ZSCAN30: variants seen among roughly 807,000 people sequenced by gnomAD.
ZSCAN30 encodes zinc finger and SCAN domain-containing protein 30.
A neutral mutation model predicts 44.3 loss-of-function variants in ZSCAN30; 37 were observed. The ratio of observed to expected loss-of-function variants is 0.84; its 90% CI spans 0.64 to 1.10. The LOEUF is 1.10. ZSCAN30 is among the 50% of genes least tolerant of loss of function. ZSCAN30 has a pLI of 0.00. For synonymous variants in ZSCAN30, 181 were observed against 204.6 expected (o/e 0.88, Z 0.98); for missense variants, 549 against 582.6 (o/e 0.94, Z 0.59).
At chr18:35,286,339 C>A (rs8090614) in intron 1 of ZSCAN30, among the ~76,000 whole-genome samples, 1 of 152,120 alleles carries the variant, frequency 6.6e-6, no homozygotes, top group African/African-American at 2.4e-5. Context: ...TTGAGGCCCA[C>A]GTTACCTTGA....
intron 1 of ZSCAN30, among the ~76,000 whole-genome samples, chr18:35,279,314 T>C (rs1321755650): frequency 6.6e-6 from 1 of 152,186 alleles, no homozygotes; most frequent in Admixed American, 6.5e-5. Flanking sequence ...TAGCTTCAGG[T>C]TGCTGGCAAT....
chr18:35,285,449 C>T (rs572346733), intron 1 of ZSCAN30, among the ~76,000 whole-genome samples: 1 of 152,206 alleles, frequency 6.6e-6, no homozygotes, highest in Non-Finnish European at 1.5e-5. Flanking sequence ...ATTAATATAT[C>T]CTTCTCAAAT....
Position 35,263,512 on chromosome 18 carries a change from C to A in ZSCAN30, c.553+1G>T. 1 of 1,614,160 alleles carries A rather than the reference C, an allele frequency of 6.2e-7. No homozygotes were observed. Among genetic ancestry groups the A allele is most frequent in the Non-Finnish European group, 8.5e-7 (1 of 1,180,022 alleles). ...ACCCCACATGGACTGGGGCTTCTCA[C>A]CTCTCTCCTGGAAAGCCTGGGACTC... On this transcript the variant is annotated splice_donor_variant, in intron 3 of 3. Coordinates refer to ENST00000333206, the MANE Select transcript of ZSCAN30 (RefSeq NM_001112734.4). LOFTEE classifies it high-confidence loss of function.
chr18:35,264,226 T>C lies in ZSCAN30; in HGVS notation c.127A>G (p.Ser43Gly), dbSNP rs752259030. ...AACTTCTGCCGGAATACCTCTTGGC[T>C]CCAGGGGTTTTCCTGAAGGCCAAAG... ...QDFGLQENPW[S>G]QEVFRQKFRQ... Residue 43 changes from serine to glycine, a missense_variant, in exon 2 of 4, where the codon AGC (serine) becomes GGC (glycine). Ser to Gly is a moderately conservative substitution (Grantham distance 56, BLOSUM62 0). Transcript: ENST00000333206. 16 of 1,614,056 alleles carry C rather than the reference T, an allele frequency of 9.9e-6. No individual in the cohort carries two copies. In the South Asian group the frequency reaches 1.4e-4, roughly 14 times the overall value.
intron 1 of ZSCAN30, chr18:35,289,594 T>C (rs975387070): frequency 2.6e-5 from 4 of 152,076 alleles, no homozygotes; most frequent in African/African-American, 9.7e-5. Flanking sequence ...CACAGCAATA[T>C]CCTTTCCTAC....
At chr18:35,274,362 T>C (rs1003778312) in intron 1 of ZSCAN30, among the ~76,000 whole-genome samples, 2 of 152,214 alleles carry the variant, frequency 1.3e-5, no homozygotes, top group African/African-American at 2.4e-5. Context: ...CTAGAGAGAA[T>C]CATTGTTTGC....
intron 1 of ZSCAN30, among the ~76,000 whole-genome samples, chr18:35,270,652 C>G (rs915161508): frequency 6.6e-6 from 1 of 152,188 alleles, no homozygotes; most frequent in African/African-American, 2.4e-5. Context: ...ACCATCTCAG[C>G]TCACTGCAAC....
intron 1 of ZSCAN30, among the ~76,000 whole-genome samples, chr18:35,272,416 C>A (rs559793233): frequency 6.7e-6 from 1 of 149,274 alleles, no homozygotes. Flanking sequence ...GGCACAATCT[C>A]GGCTCACTGC....
rs903259628 is a variant in ZSCAN30, at chr18:35,264,412, G to A, written c.-60C>T. 123 of 1,535,170 alleles carry A rather than the reference G, an allele frequency of 8.0e-5. No individual in the cohort carries two copies. Among genetic ancestry groups the A allele is most frequent in the Non-Finnish European group, 1.0e-4 (117 of 1,137,420 alleles). On this transcript the variant is annotated 5_prime_UTR_variant, in exon 2 of 4. Coordinates refer to ENST00000333206, the MANE Select transcript of ZSCAN30 (RefSeq NM_001112734.4). ...TGAGGCAGGGAGGAGATGGAGATTTGCGTCTGAGAGATTCCTTCTGAATTC... is the reference window on the plus strand; with the variant it reads ...TGAGGCAGGGAGGAGATGGAGATTTACGTCTGAGAGATTCCTTCTGAATTC...
intron 1 of ZSCAN30, among the ~76,000 whole-genome samples, chr18:35,271,753 G>A (rs577880399): frequency 2.0e-5 from 3 of 152,320 alleles, no homozygotes; most frequent in East Asian, 1.9e-4. Context: ...ATTGCGGGGA[G>A]GGGGGGCGCT....
chr18:35,281,480 A>G (rs1823157279), intron 1 of ZSCAN30: 1 of 152,224 alleles, frequency 6.6e-6, no homozygotes, highest in African/African-American at 2.4e-5. Context: ...CAAACACCCA[A>G]AAAAATCTAC....
At chr18:35,274,078 C>A (rs142479510) in intron 1 of ZSCAN30, among the ~76,000 whole-genome samples, 1 of 151,944 alleles carries the variant, frequency 6.6e-6, no homozygotes, top group African/African-American at 2.4e-5. Context: ...TGCAGTGGTG[C>A]GATCTCGGCT....
intron 1 of ZSCAN30, among the ~76,000 whole-genome samples, chr18:35,273,121 C>T (rs2044312102): frequency 6.6e-6 from 1 of 152,178 alleles, no homozygotes; most frequent in East Asian, 1.9e-4. Flanking sequence ...GTTGTACAAC[C>T]TTCACAAACA....
At chr18:35,286,604 A>G (rs1305082366) in intron 1 of ZSCAN30, among the ~76,000 whole-genome samples, 1 of 152,122 alleles carries the variant, frequency 6.6e-6, no homozygotes, top group Non-Finnish European at 1.5e-5. Context: ...AACTAGAATT[A>G]GAAAAAAACT....
chr18:35,254,190 G>A lies in ZSCAN30; in HGVS notation c.745C>T (p.Gln249Ter). The A allele has an allele frequency of 3.1e-6, 5 of 1,614,174 alleles. No homozygotes were observed. Among genetic ancestry groups the A allele is most frequent in the Non-Finnish European group, 4.2e-6 (5 of 1,180,022 alleles). ...KGNAAGNKIS[Q>*]LPSQDRHFSL... ...AAATGTCTGTCCTGGGAAGGAAGCT[G>A]ACTGATTTTGTTCCCTGCAGCATTT... Residue 249 changes from glutamine to a stop codon, truncating the protein, a stop_gained, in exon 4 of 4, where the codon CAG becomes TAG. Transcript: ENST00000333206. LOFTEE classifies it high-confidence loss of function.
intron 1 of ZSCAN30, among the ~76,000 whole-genome samples, chr18:35,275,478 T>C (rs1011983290): frequency 6.6e-5 from 10 of 152,202 alleles, no homozygotes; most frequent in Non-Finnish European, 1.3e-4. Context: ...TCCCAATGAA[T>C]TGGAATGTCC....
At chr18:35,266,206 A>G (rs2044145621) in intron 1 of ZSCAN30, among the ~76,000 whole-genome samples, 2 of 152,192 alleles carry the variant, frequency 1.3e-5, no homozygotes, top group Non-Finnish European at 2.9e-5. Flanking sequence ...CCGGTGCCAG[A>G]CCCTGGGGCA....
rs1569070939 is a variant in ZSCAN30, at chr18:35,263,574, CA to C, written c.491del (p.Val164GlyfsTer4). The C allele has an allele frequency of 6.2e-7, 1 of 1,614,214 alleles. No homozygotes were observed. The highest frequency in any genetic ancestry group is 1.1e-5 in the South Asian group (1 of 91,088). Reference sequence around the variant, plus strand: ...TCTTGCACTGGTTCTCTAAGGGCTGCACCGGGCTATTCAGAGACAGAGACTT... The same window carrying C: ...TCTTGCACTGGTTCTCTAAGGGCTGCCCGGGCTATTCAGAGACAGAGACTT... ...ALKSLSLNSP[V>X]QPLENQCKTE... On this transcript the variant is annotated frameshift_variant, in exon 3 of 4. Coordinates refer to ENST00000333206, the MANE Select transcript of ZSCAN30 (RefSeq NM_001112734.4). LOFTEE classifies it high-confidence loss of function.
At position 35,263,855 on chromosome 18, in the gene ZSCAN30, C is replaced by A. The variant is rs1051707613; in HGVS notation, c.408+90G>T. On this transcript the variant is annotated intron_variant, in intron 2 of 3. Transcript: ENST00000333206. ...CCCAAAAGAAAGAAACTGTATAATT[C>A]TCTGAGAGCTGAGTCAATGCCCCAG... 3.3e-6 allele frequency: 5 copies of A among 1,493,446 alleles called. No homozygotes were observed. The Admixed American group carries it at 6.4e-5, about 19-fold the overall frequency. The allele number at this position is 1,493,446 out of a possible 1,614,324, so 92.5% of individuals were successfully genotyped here. A position where few individuals can be genotyped will look rare whatever the true frequency, so the allele number is the denominator to read the frequency against.
Sources: gnomAD v4.1 joint callset for allele counts (sites outside exome capture counted in the v4.1 genomes callset) on GRCh38, gnomAD v4.1.1 for gene constraint, MANE v1.5 for transcripts, NCBI Gene and HGNC (gene_info 2026-07-23, HGNC 2026-07-21) for gene names.